NUP98: variants seen among roughly 807,000 people sequenced by gnomAD.
NUP98 encodes nuclear pore complex protein Nup98-Nup96.
In NUP98, 26 loss-of-function variants were observed where a neutral mutation model predicts 191.9. The observed-to-expected ratio is 0.14, with a 90% CI of 0.10 to 0.19. NUP98 has a LOEUF of 0.19. NUP98 is among the 10% of genes least tolerant of loss of function. The pLI is 1.00. For missense variants in NUP98, 1,941 were observed against 2,178.8 expected, an observed-to-expected ratio of 0.89 and a Z score of 2.17; for synonymous variants, 808 against 778.4, an observed-to-expected ratio of 1.04 and a Z score of -0.63.
chr11:3,706,422 A>G (rs201282525), intron 21 of NUP98, 23 bp downstream of exon 21: 134 of 1,611,720 alleles, frequency 8.3e-5, no homozygotes, highest in Non-Finnish European at 1.1e-4. Flanking sequence ...TTCTGTTACA[A>G]AAAAGGTGGG....
At position 3,691,365 on chromosome 11, in the gene NUP98, A is replaced by T. The variant is rs1460477132; in HGVS notation, c.4436T>A (p.Leu1479Gln). Residue 1479 changes from leucine to glutamine, a missense_variant, in exon 28 of 33, where the codon CTA becomes CAA. Transcript: ENST00000324932. ...CATTTACCTGTCACTGTAGAGTTTT[A>T]GAAGGTGAAAGCAGACATCTCGAAG... Reference protein sequence around the residue: ...TPLRDVCFHLLKLYSDRHYDL... With the variant: ...TPLRDVCFHLQKLYSDRHYDL... 6.2e-7 allele frequency: 1 copy of T among 1,614,184 alleles called. No individual in the cohort carries two copies. The highest frequency in any genetic ancestry group is 1.7e-5 in the Admixed American group (1 of 60,018).
chr11:3,706,975 G>A (rs538491342), intron 20 of NUP98, among the ~76,000 whole-genome samples: 4 of 152,232 alleles, frequency 2.6e-5, no homozygotes, highest in South Asian at 2.1e-4. Flanking sequence ...GATTTACACA[G>A]GGTCACCTTT....
chr11:3,778,590 T>C (rs2081837674), intron 4 of NUP98, among the ~76,000 whole-genome samples: 1 of 152,248 alleles, frequency 6.6e-6, no homozygotes, highest in Non-Finnish European at 1.5e-5. Flanking sequence ...TACTCTGACC[T>C]GGCTTTTCAT....
chr11:3,717,950 C>A (rs2079245956), intron 18 of NUP98, among the ~76,000 whole-genome samples: 1 of 152,098 alleles, frequency 6.6e-6, no homozygotes, highest in Non-Finnish European at 1.5e-5. Context: ...ATGTGTAATC[C>A]TTTCAATACG....
chr11:3,693,911 A>G (rs939752997), intron 26 of NUP98, among the ~76,000 whole-genome samples: 1 of 152,234 alleles, frequency 6.6e-6, no homozygotes, highest in Non-Finnish European at 1.5e-5. Context: ...CAACAGCCAT[A>G]AAATGGAACA....
At position 3,712,672 on chromosome 11, in the gene NUP98, A is replaced by T; in HGVS notation, c.2634T>A (p.His878Gln). 6.2e-7 allele frequency: 1 copy of T among 1,613,432 alleles called. No individual in the cohort carries two copies. Among genetic ancestry groups the T allele is most frequent in the East Asian group, 2.2e-5 (1 of 44,888 alleles). Reference sequence around the variant, plus strand: ...ACTTCTTTGTACTAGTTTTAGACGGATGCTCCTCCTCCTCTTCATCAGAAT... The same window carrying T: ...ACTTCTTTGTACTAGTTTTAGACGGTTGCTCCTCCTCCTCTTCATCAGAAT... ...LQDSDEEEEE[H>Q]PSKTSTKKLK... The change falls in exon 20 of 33, where the codon CAT becomes CAA. Residue 878 changes from histidine (H) to glutamine (Q), a missense_variant. This residue lies in a region of NUP98 where 95 missense variants were observed against 139.7 expected (regional missense o/e 0.68). Transcript: ENST00000324932.
At chr11:3,724,914 T>C (rs2079558278) in intron 15 of NUP98, among the ~76,000 whole-genome samples, 189 bp downstream of exon 15, 1 of 151,848 alleles carries the variant, frequency 6.6e-6, no homozygotes, top group Admixed American at 6.6e-5. Context: ...AAATCAGAAC[T>C]CCAATAATTT....
rs770797072 is a variant in NUP98 at position 3,779,243 on chromosome 11, T to G, written c.91A>C (p.Thr31Pro). The change falls in exon 3 of 33, where the codon ACT becomes CCT. Residue 31 changes from threonine to proline, a missense_variant. Around this residue, in one of 6 missense-constraint regions of NUP98, gnomAD observed 154 missense variants for 182.9 expected, o/e 0.84. Transcript: ENST00000324932. ...STFGQNTGFG[T>P]TSGGAFGTSA... ...GTTCCAAATGCCCCTCCACTAGTAG[T>G]GCCAAAGCCAGTATCTGAAAAAGCA... The G allele has an allele frequency of 6.2e-7, 1 of 1,614,004 alleles. No individual in the cohort carries two copies. Among genetic ancestry groups the G allele is most frequent in the Non-Finnish European group, 8.5e-7 (1 of 1,179,858 alleles).
At chr11:3,712,019 A>G in intron 20 of NUP98, 1 of 1,049,578 alleles carries the variant, frequency 9.5e-7, no homozygotes, top group Non-Finnish European at 1.2e-6. Flanking sequence ...TAATCTCCCC[A>G]AGCCAAATAA....
chr11:3,783,894 T>A (rs546220379), intron 1 of NUP98, among the ~76,000 whole-genome samples: 8 of 151,930 alleles, frequency 5.3e-5, no homozygotes, highest in East Asian at 1.9e-4. Context: ...TAAAAAAAAA[T>A]AAATAAAATA....
chr11:3,690,697 A>G (rs1029862292), intron 28 of NUP98, among the ~76,000 whole-genome samples: 2 of 152,200 alleles, frequency 1.3e-5, no homozygotes, highest in African/African-American at 2.4e-5. Flanking sequence ...GCAACTAGAG[A>G]TATTACACAT....
intron 10 of NUP98, 114 bp downstream of exon 10, chr11:3,760,425 G>T (rs774834567): frequency 1.4e-6 from 2 of 1,431,962 alleles, no homozygotes; most frequent in Non-Finnish European, 2.0e-6. Context: ...TACGAATCAG[G>T]AGAATAACGT....
In NUP98 at chr11:3,762,975, C is replaced by G; in HGVS notation, c.1013G>C (p.Ser338Thr). ...GGLFGTATNT[S>T]TGTAFGTGTG... ...TCCTGTTCCAAATGCTGTCCCAGTG[C>G]TGGTGTTTGTAGCTGTCCCAAAAAG... Residue 338 changes from serine (S) to threonine (T), a missense_variant, in exon 9 of 33, where the codon AGC (serine) becomes ACC (threonine). Transcript: ENST00000324932. 1 of 1,614,128 alleles carries G rather than the reference C, an allele frequency of 6.2e-7. No individual in the cohort carries two copies. Among genetic ancestry groups the G allele is most frequent in the Non-Finnish European group, 8.5e-7 (1 of 1,180,018 alleles).
chr11:3,779,994 G>A (rs1411547941), intron 2 of NUP98, among the ~76,000 whole-genome samples: 3 of 152,088 alleles, frequency 2.0e-5, no homozygotes, highest in Non-Finnish European at 4.4e-5. Context: ...GTGACACTCC[G>A]TAGTCACTGA....
At chr11:3,684,251 T>G (rs1407788660) in intron 29 of NUP98, among the ~76,000 whole-genome samples, 1 of 151,828 alleles carries the variant, frequency 6.6e-6, no homozygotes, top group Admixed American at 6.6e-5. Context: ...TAGCATTAAT[T>G]TTTAAAAATA....
At position 3,757,692 on chromosome 11, in the gene NUP98, G is replaced by A. The variant is rs543213091; in HGVS notation, c.1174+2847C>T. Among the ~76,000 whole-genome samples the A allele has an allele frequency of 1.5e-4, 22 of 151,014 alleles. No homozygotes were observed. The South Asian group carries it at 4.4e-3, about 30-fold the overall frequency. ...TGCATGCCTGTAATCCCAGCTACTTGGGAGGCTGAGGCAGAAGAATCGCTT... is the reference window on the plus strand; with the variant it reads ...TGCATGCCTGTAATCCCAGCTACTTAGGAGGCTGAGGCAGAAGAATCGCTT... On this transcript the variant is annotated intron_variant, in intron 10 of 32. Transcript: ENST00000324932.
intron 11 of NUP98, among the ~76,000 whole-genome samples, chr11:3,744,852 C>T (rs185312414): frequency 4.7e-4 from 72 of 152,306 alleles, no homozygotes; most frequent in Admixed American, 4.1e-3. Flanking sequence ...ATACTTAAAT[C>T]TCTCTGTGCT....
chr11:3,727,130 G>C (rs2079650080), intron 14 of NUP98, among the ~76,000 whole-genome samples: 1 of 152,054 alleles, frequency 6.6e-6, no homozygotes, highest in Admixed American at 6.6e-5. Flanking sequence ...GTTTGTTCAT[G>C]AGGTCAGCAT....
intron 14 of NUP98, among the ~76,000 whole-genome samples, chr11:3,730,654 A>C (rs1214077119): frequency 6.6e-6 from 1 of 151,786 alleles, no homozygotes; most frequent in East Asian, 1.9e-4. Context: ...GTGAGCCACC[A>C]TGCCCGGCCG....
Sources: gnomAD v4.1 joint callset for allele counts (sites outside exome capture counted in the v4.1 genomes callset) on GRCh38, gnomAD v4.1.1 for gene constraint, gnomAD v4.1.1 regional missense constraint, MANE v1.5 for transcripts, NCBI Gene and HGNC (gene_info 2026-07-23, HGNC 2026-07-21) for gene names.